The following DTX1 variants were observed in gnomAD, a reference collection of about 807,000 sequenced individuals.
DTX1 encodes E3 ubiquitin-protein ligase DTX1.
A neutral mutation model predicts 57.8 loss-of-function variants in DTX1; 26 were observed. The ratio of observed to expected loss-of-function variants is 0.45; its 90% CI spans 0.33 to 0.62. DTX1 has a LOEUF of 0.62. DTX1 is among the 20% of genes least tolerant of loss of function. The pLI is 0.02. For missense variants in DTX1, 704 were observed against 895.3 expected, an observed-to-expected ratio of 0.79 and a Z score of 2.73; for synonymous variants, 398 against 394.1, an observed-to-expected ratio of 1.01 and a Z score of -0.12.
intron 2 of DTX1, among the ~76,000 whole-genome samples, chr12:113,063,420 G>A (rs1443793200): frequency 6.6e-6 from 1 of 152,246 alleles, no homozygotes; most frequent in East Asian, 1.9e-4. Context: ...GGACAGAGGT[G>A]TAACTCAGCC....
At chr12:113,083,912 C>G (rs986137163) in intron 3 of DTX1, among the ~76,000 whole-genome samples, 2 of 152,216 alleles carry the variant, frequency 1.3e-5, no homozygotes, top group Admixed American at 6.5e-5. Context: ...CCTCAGTCTC[C>G]CCATCTGTCA....
chr12:113,096,726 G>A lies in DTX1; in HGVS notation c.1650G>A (p.Leu550=), dbSNP rs761037508. Residue 550 remains leucine, a synonymous_variant, in exon 10 of 10, where the codon CTG becomes CTA. Coordinates refer to ENST00000548759, the MANE Select transcript of DTX1 (RefSeq NM_004416.3). ...CCCTGTCCCCCCAGGTGCTGCGGCTGCTCATCACGGCCTGGGAGAGAAGAC... is the reference window on the plus strand; with the variant it reads ...CCCTGTCCCCCCAGGTGCTGCGGCTACTCATCACGGCCTGGGAGAGAAGAC... ...NNEKGRKVLR[L]LITAWERRLI... The A allele has an allele frequency of 7.4e-6, 12 of 1,612,196 alleles. No homozygotes were observed. Among genetic ancestry groups the A allele is most frequent in the Non-Finnish European group, 1.0e-5 (12 of 1,179,578 alleles).
chr12:113,086,687 A>G (rs1477391045), intron 3 of DTX1, among the ~76,000 whole-genome samples: 1 of 150,834 alleles, frequency 6.6e-6, no homozygotes, highest in Non-Finnish European at 1.5e-5. Context: ...CAGTGATTTT[A>G]TGCTTTTATT....
intron 3 of DTX1, among the ~76,000 whole-genome samples, chr12:113,082,429 A>G (rs1272973227): frequency 6.6e-6 from 1 of 152,184 alleles, no homozygotes; most frequent in East Asian, 1.9e-4. Context: ...TCTTCCGCCT[A>G]AAGCTTTCCA....
chr12:113,062,987 T>C (rs1016116171), intron 2 of DTX1, among the ~76,000 whole-genome samples: 1 of 152,164 alleles, frequency 6.6e-6, no homozygotes, highest in Non-Finnish European at 1.5e-5. Context: ...CTGGATGATG[T>C]TAGATCAATC....
Position 113,096,791 on chromosome 12 carries a change from C to A in DTX1, c.1715C>A (p.Ser572Ter), listed in dbSNP as rs144113606. 6.2e-7 allele frequency: 1 copy of A among 1,613,804 alleles called. No individual in the cohort carries two copies. The highest frequency in any genetic ancestry group is 1.1e-5 in the South Asian group (1 of 91,072). ...TIGTSNTTGE[S>*]DTVVWNEIHH... ...GGCACGTCCAACACCACGGGCGAGT[C>A]GGACACCGTGGTGTGGAACGAGATC... Residue 572 changes from serine to a stop codon, truncating the protein, a stop_gained, in exon 10 of 10, where the codon TCG (serine) becomes TAG (stop). Coordinates refer to ENST00000548759, the MANE Select transcript of DTX1 (RefSeq NM_004416.3). LOFTEE classifies it high-confidence loss of function.
chr12:113,071,421 A>T (rs998716370), intron 2 of DTX1, among the ~76,000 whole-genome samples: 1 of 152,240 alleles, frequency 6.6e-6, no homozygotes, highest in Non-Finnish European at 1.5e-5. Context: ...GAGACACAAA[A>T]ACAGGCCGAG....
chr12:113,082,021 G>C (rs577075908), intron 3 of DTX1, among the ~76,000 whole-genome samples: 7 of 151,968 alleles, frequency 4.6e-5, no homozygotes, highest in Non-Finnish European at 8.8e-5. Context: ...TTGGGGGTGC[G>C]GATCATTAAA....
intron 3 of DTX1, 23 bp downstream of exon 3, chr12:113,078,128 G>T: frequency 1.5e-6 from 2 of 1,340,120 alleles, no homozygotes; most frequent in South Asian, 3.5e-5. Flanking sequence ...CCAGGGGGAG[G>T]GGGCCTCTGC....
intron 2 of DTX1, among the ~76,000 whole-genome samples, chr12:113,069,467 G>A (rs1001874412): frequency 6.6e-6 from 1 of 152,132 alleles, no homozygotes; most frequent in Non-Finnish European, 1.5e-5. Flanking sequence ...CCACCACCCT[G>A]GCCTGGCTTC....
intron 2 of DTX1, 59 bp downstream of exon 2, chr12:113,058,510 T>C (rs2044646341): frequency 5.2e-6 from 8 of 1,535,244 alleles, no homozygotes; most frequent in Non-Finnish European, 7.0e-6. Flanking sequence ...CCTTGCAGCG[T>C]AGGATGCTGA....
intron 2 of DTX1, among the ~76,000 whole-genome samples, chr12:113,068,428 C>A (rs1312342380): frequency 6.6e-6 from 1 of 152,192 alleles, no homozygotes; most frequent in Non-Finnish European, 1.5e-5. Context: ...AGAGAAGATT[C>A]CAAGAAGACA....
rs2044635651 is a variant in DTX1 at position 113,057,613 on chromosome 12, C to G, written c.-580C>G. ...CGGCCACCCAGGCCTTCCAGGACAC[C>G]GTGGAGAGGGAACAAGGGGGCAGGG... On this transcript the variant is annotated 5_prime_UTR_variant, in exon 2 of 10. Coordinates refer to ENST00000548759, the MANE Select transcript of DTX1 (RefSeq NM_004416.3). 6.5e-6 allele frequency: 1 copy of G among 153,758 alleles called. No individual in the cohort carries two copies. Among genetic ancestry groups the G allele is most frequent in the Admixed American group, 6.4e-5 (1 of 15,584 alleles). 9.5% of individuals were successfully genotyped at this position (153,758 alleles called of 1,614,324 possible).
chr12:113,073,473 G>A (rs2044750078), intron 2 of DTX1, among the ~76,000 whole-genome samples: 2 of 152,210 alleles, frequency 1.3e-5, no homozygotes, highest in African/African-American at 4.8e-5. Context: ...TGATTGGCTG[G>A]AACATGGTAG....
intron 3 of DTX1, among the ~76,000 whole-genome samples, chr12:113,086,460 C>T (rs907960693): frequency 5.3e-5 from 8 of 151,952 alleles, no homozygotes; most frequent in South Asian, 2.1e-4. Flanking sequence ...TGGAAGGTTG[C>T]GGTTAGGACT....
intron 3 of DTX1, among the ~76,000 whole-genome samples, chr12:113,091,777 G>A (rs1950250867): frequency 6.6e-6 from 1 of 152,226 alleles, no homozygotes; most frequent in African/African-American, 2.4e-5. Context: ...CCAGAGCCAA[G>A]GGGGCTGCTG....
intron 3 of DTX1, among the ~76,000 whole-genome samples, chr12:113,088,816 C>A (rs768541695): frequency 1.3e-5 from 2 of 149,588 alleles, no homozygotes; most frequent in Non-Finnish European, 3.0e-5. Flanking sequence ...GGCAACACAG[C>A]GAGGCCCTGT....
At chr12:113,080,368 G>A (rs538359743) in intron 3 of DTX1, among the ~76,000 whole-genome samples, 2 of 152,284 alleles carry the variant, frequency 1.3e-5, no homozygotes, top group Admixed American at 6.5e-5. Context: ...CAAAAAGAGG[G>A]GCTGGAGGTC....
intron 2 of DTX1, among the ~76,000 whole-genome samples, chr12:113,065,924 G>A (rs1458888836): frequency 2.6e-5 from 4 of 152,138 alleles, no homozygotes; most frequent in Admixed American, 2.6e-4. Flanking sequence ...CTTGGTGCAT[G>A]GGGGTGCCTG....
Sources: allele counts gnomAD v4.1 joint callset (sites outside exome capture counted in the v4.1 genomes callset), GRCh38; gene constraint gnomAD v4.1.1; transcripts MANE v1.5; gene names NCBI Gene and HGNC (gene_info 2026-07-23, HGNC 2026-07-21).